The following CCDC6 variants were observed in gnomAD, a reference collection of about 807,000 sequenced individuals.
CCDC6 encodes the protein coiled-coil domain-containing protein 6.
Under a neutral mutation model 56.6 loss-of-function variants are expected in CCDC6, and 20 were observed. The observed-to-expected ratio is 0.35, with a 90% confidence interval of 0.25 to 0.51. The LOEUF is 0.51. Among genes scored for constraint, CCDC6 ranks in the 20% least tolerant of loss-of-function variants. The probability of loss-of-function intolerance (pLI) is 0.95; values close to 1 mark genes in which losing one functional copy is unlikely to be tolerated. For synonymous variants in CCDC6, 241 were observed against 234.4 expected (o/e 1.03, Z -0.26); for missense variants, 367 against 601.1 (o/e 0.61, Z 4.07).
rs555458598 is a variant in CCDC6, at chr10:59,866,984, A to G, written c.304-14282T>C. Among the ~76,000 whole-genome samples the G allele has an allele frequency of 5.3e-4, 80 of 152,282 alleles. No homozygotes were observed. The South Asian group carries it at 0.011, about 21-fold the overall frequency. On this transcript the variant is annotated intron_variant, in intron 1 of 8. Coordinates refer to ENST00000263102, the MANE Select transcript of CCDC6 (RefSeq NM_005436.5). The stretch of plus-strand genomic sequence containing the variant: ...ACTCTTTCAGACTTGCAAAAAAGCC[A>G]CTTTCTGCTATCGCTGCCATCACTT...
intron 5 of CCDC6, among the ~76,000 whole-genome samples, chr10:59,810,071 TG>T (rs1022878729): frequency 2.0e-5 from 3 of 152,170 alleles, no homozygotes; most frequent in Non-Finnish European, 4.4e-5. Context: ...TCCTAGCCAC[TG>T]GTCTATTAAA....
chr10:59,805,242 T>G (rs2070610462), intron 6 of CCDC6: 1 of 152,326 alleles, frequency 6.6e-6, no homozygotes, highest in Admixed American at 6.5e-5. Context: ...TAAACCATCC[T>G]GCACGAGCGA....
intron 4 of CCDC6, 75 bp from the exon 5 acceptor site, chr10:59,812,870 G>T: frequency 8.7e-7 from 1 of 1,147,892 alleles, no homozygotes; most frequent in Non-Finnish European, 1.3e-6. Context: ...CTAGCTGGCA[G>T]GTTTGTTTTA....
chr10:59,826,930 G>A (rs1217272681), intron 3 of CCDC6, among the ~76,000 whole-genome samples: 3 of 152,150 alleles, frequency 2.0e-5, no homozygotes, highest in Admixed American at 6.5e-5. Flanking sequence ...GAGTCACCAG[G>A]GATACAGTGT....
At chr10:59,811,688 T>C (rs149131311) in intron 5 of CCDC6, among the ~76,000 whole-genome samples, 8 of 152,254 alleles carry the variant, frequency 5.3e-5, no homozygotes, top group Non-Finnish European at 8.8e-5. Flanking sequence ...ACTCAGGTCC[T>C]GTAGTCAGCC....
At chr10:59,878,601 A>G (rs1264724829) in intron 1 of CCDC6, among the ~76,000 whole-genome samples, 6 of 152,220 alleles carry the variant, frequency 3.9e-5, no homozygotes, top group African/African-American at 1.4e-4. Flanking sequence ...GAAAATTAGA[A>G]AAGTATGTTC....
At chr10:59,866,472 G>A (rs1049957339) in intron 1 of CCDC6, among the ~76,000 whole-genome samples, 3 of 152,148 alleles carry the variant, frequency 2.0e-5, no homozygotes, top group African/African-American at 7.2e-5. Flanking sequence ...AAATATACCA[G>A]CTGTATATAT....
At chr10:59,866,400 C>T (rs2132665271) in intron 1 of CCDC6, among the ~76,000 whole-genome samples, 2 of 152,268 alleles carry the variant, frequency 1.3e-5, no homozygotes, top group Middle Eastern at 6.8e-3. Flanking sequence ...CTACTCAAGG[C>T]CTAAGGTCTG....
intron 1 of CCDC6, among the ~76,000 whole-genome samples, chr10:59,869,746 C>T (rs1406706073): frequency 6.6e-6 from 1 of 152,116 alleles, no homozygotes; most frequent in Non-Finnish European, 1.5e-5. Flanking sequence ...CTGCTCAAAC[C>T]CTCCAAAGGC....
chr10:59,902,200 C>T (rs771827044), intron 1 of CCDC6, among the ~76,000 whole-genome samples: 16 of 152,044 alleles, frequency 1.1e-4, no homozygotes, highest in Non-Finnish European at 7.4e-5. Flanking sequence ...TGAAACTAGT[C>T]GTTCATTAAA....
chr10:59,797,784 C>T (rs920870289), intron 7 of CCDC6, among the ~76,000 whole-genome samples: 3 of 151,692 alleles, frequency 2.0e-5, no homozygotes, highest in Non-Finnish European at 4.4e-5. Flanking sequence ...AATGAAAGCC[C>T]TGCCAATGTT....
chr10:59,822,544 T>A (rs1412792684), intron 3 of CCDC6, among the ~76,000 whole-genome samples: 1 of 152,192 alleles, frequency 6.6e-6, no homozygotes, highest in African/African-American at 2.4e-5. Context: ...AGAAATGACA[T>A]CTGTAACTGT....
intron 8 of CCDC6, among the ~76,000 whole-genome samples, chr10:59,793,774 GAA>G (rs11421511): frequency 1.4e-5 from 2 of 144,000 alleles, no homozygotes; most frequent in Admixed American, 1.4e-4. Context: ...ACAGAGTGAG[GAA>G]AAAAAAAAAA....
intron 2 of CCDC6, among the ~76,000 whole-genome samples, chr10:59,842,186 C>T (rs12268306): frequency 0.041 from 6,282 of 152,094 alleles, 444 homozygotes; most frequent in African/African-American, 0.14. Context: ...GGACTACAGG[C>T]GTGCACCATC....
intron 2 of CCDC6, among the ~76,000 whole-genome samples, chr10:59,838,945 G>A (rs2070911108): frequency 6.6e-6 from 1 of 152,222 alleles, no homozygotes. Flanking sequence ...GGGGTGAGAA[G>A]CACATTGTCA....
intron 1 of CCDC6, among the ~76,000 whole-genome samples, chr10:59,875,846 G>A (rs1449927374): frequency 6.6e-6 from 1 of 152,076 alleles, no homozygotes; most frequent in Non-Finnish European, 1.5e-5. Flanking sequence ...GAAGACAAAA[G>A]CTCTGCCCAG....
chr10:59,796,343 G>GT (rs1414569005), intron 7 of CCDC6, among the ~76,000 whole-genome samples: 1 of 146,318 alleles, frequency 6.8e-6, no homozygotes, highest in Non-Finnish European at 1.5e-5. Flanking sequence ...TTGTAAATTT[G>GT]TTTGAGTTCA....
chr10:59,833,865 A>G (rs930220511), intron 2 of CCDC6, among the ~76,000 whole-genome samples: 6 of 152,158 alleles, frequency 3.9e-5, no homozygotes, highest in Non-Finnish European at 8.8e-5. Flanking sequence ...CTTCCATTTT[A>G]TATGTGACAA....
At position 59,792,806 on chromosome 10, in the gene CCDC6, C is replaced by A; in HGVS notation, c.*111G>T. On this transcript the variant is annotated 3_prime_UTR_variant, in exon 9 of 9. Transcript: ENST00000263102. ...ACAATGGATAGTGAAGCCTAGATAACCTCAGTGCAAATAAGTCATATCCAA... is the reference window on the plus strand; with the variant it reads ...ACAATGGATAGTGAAGCCTAGATAAACTCAGTGCAAATAAGTCATATCCAA... The A allele has an allele frequency of 9.3e-7, 1 of 1,080,268 alleles. No individual in the cohort carries two copies. The highest frequency in any genetic ancestry group is 1.4e-6 in the Non-Finnish European group (1 of 697,096). The allele number at this position is 1,080,268 out of a possible 1,614,324, so 66.9% of individuals were successfully genotyped here.
Sources: allele counts gnomAD v4.1 joint callset (sites outside exome capture counted in the v4.1 genomes callset), GRCh38; gene constraint gnomAD v4.1.1; transcripts MANE v1.5; gene names NCBI Gene and HGNC (gene_info 2026-07-23, HGNC 2026-07-21).